Variants in ZNF664 observed in about 807,000 individuals in gnomAD.
The protein encoded by ZNF664 is zinc finger protein 664.
In ZNF664, 10 loss-of-function variants were observed where a neutral mutation model predicts 18.2. The ratio of observed to expected loss-of-function variants is 0.55; its 90% CI spans 0.34 to 0.93. ZNF664 has a LOEUF of 0.93. Ranked by LOEUF, ZNF664 falls within the 40% of genes least tolerant of loss-of-function variation. ZNF664 has a pLI of 0.02. For synonymous variants in ZNF664, 119 were observed against 104.2 expected (o/e 1.14, Z -0.86); for missense variants, 193 against 319.0 (o/e 0.61, Z 3.01).
chr12:123,982,715 AGACGAG>A (rs1266463346), intron 2 of ZNF664, among the ~76,000 whole-genome samples: 1 of 152,244 alleles, frequency 6.6e-6, no homozygotes, highest in Non-Finnish European at 1.5e-5. Flanking sequence ...AAGGGAGTGC[AGACGAG>A]GACACTCAGG....
At chr12:123,980,140 T>C (rs1230737642) in intron 2 of ZNF664, among the ~76,000 whole-genome samples, 1 of 152,202 alleles carries the variant, frequency 6.6e-6, no homozygotes, top group Non-Finnish European at 1.5e-5. Flanking sequence ...TATATATATA[T>C]TCTGAATAAG....
At chr12:123,993,687 T>C (rs1303008586) in intron 3 of ZNF664, among the ~76,000 whole-genome samples, 1 of 152,184 alleles carries the variant, frequency 6.6e-6, no homozygotes. Flanking sequence ...TACGTCCTGA[T>C]ACCTAAACAA....
rs1956614010 is a variant in ZNF664, at chr12:123,973,260, G to A, written c.-984G>A. The A allele has an allele frequency of 1.0e-6, 1 of 999,538 alleles. No individual in the cohort carries two copies. The allele number at this position is 999,538 out of a possible 1,614,324, so 61.9% of individuals were successfully genotyped here. A position where few individuals can be genotyped will look rare whatever the true frequency, so the allele number is the denominator to read the frequency against. ...CTGGGTGTGCGGAGCGCGCGCGCGC[G>A]CGGCTCGGAGGCGCACCTGTGAGGT... is the stretch of plus-strand genomic sequence containing the variant. On this transcript the variant is annotated 5_prime_UTR_variant, in exon 1 of 5. Coordinates refer to ENST00000337815, the MANE Select transcript of ZNF664 (RefSeq NM_152437.3).
At chr12:123,988,414 CAT>C (rs1956849563) in intron 3 of ZNF664, among the ~76,000 whole-genome samples, 1 of 152,112 alleles carries the variant, frequency 6.6e-6, no homozygotes, top group African/African-American at 2.4e-5. Context: ...CCATGTGAAC[CAT>C]TGGTTATTAA....
chr12:123,973,791 G>A (rs751396195), intron 1 of ZNF664, 95 bp from the exon 2 acceptor site: 151 of 1,229,042 alleles, frequency 1.2e-4, no homozygotes, highest in Non-Finnish European at 1.4e-4. Context: ...CCTTCCAGGC[G>A]GGTCCCGGGA....
chr12:124,010,758 T>C (rs1957126534), intron 3 of ZNF664, among the ~76,000 whole-genome samples: 1 of 152,122 alleles, frequency 6.6e-6, no homozygotes, highest in Admixed American at 6.6e-5. Context: ...TAATTACAAG[T>C]CCTGTGGGCT....
intron 2 of ZNF664, among the ~76,000 whole-genome samples, chr12:123,982,807 A>G (rs1223410676): frequency 6.6e-6 from 1 of 152,190 alleles, no homozygotes; most frequent in Non-Finnish European, 1.5e-5. Flanking sequence ...GATGTAATAA[A>G]GGGATCAGGA....
chr12:124,010,794 CAG>C (rs1398823014), intron 3 of ZNF664, among the ~76,000 whole-genome samples: 1 of 152,140 alleles, frequency 6.6e-6, no homozygotes, highest in Admixed American at 6.5e-5. Flanking sequence ...GAGATGAAAA[CAG>C]AGTCTAGCCG....
chr12:124,001,331 A>C (rs2138420239), intron 3 of ZNF664, among the ~76,000 whole-genome samples: 1 of 152,320 alleles, frequency 6.6e-6, no homozygotes, highest in South Asian at 2.1e-4. Flanking sequence ...TTTTCTATTT[A>C]AAATGGAAAT....
At chr12:123,985,925 T>C (rs1381089039) in intron 2 of ZNF664, among the ~76,000 whole-genome samples, 2 of 152,244 alleles carry the variant, frequency 1.3e-5, no homozygotes, top group African/African-American at 4.8e-5. Flanking sequence ...ACATTTAACA[T>C]TTATTAACTT....
chr12:123,992,701 G>A (rs1412767279), intron 3 of ZNF664, among the ~76,000 whole-genome samples: 1 of 152,166 alleles, frequency 6.6e-6, no homozygotes, highest in Non-Finnish European at 1.5e-5. Flanking sequence ...TTCTTTTGAG[G>A]AGCCCACTTT....
Position 124,011,958 on chromosome 12 carries a change from A to C in ZNF664, c.-187A>C. On this transcript the variant is annotated 5_prime_UTR_variant, in exon 5 of 5. Transcript: ENST00000337815. ...TAATACTGAGTGAGGAACACTATGC[A>C]GGAAGAAACCTTCCGTAGAAAGACA... is the stretch of plus-strand genomic sequence containing the variant. 4 of 1,422,562 alleles carry C rather than the reference A, an allele frequency of 2.8e-6. No individual in the cohort carries two copies. The highest frequency in any genetic ancestry group is 3.6e-6 in the Non-Finnish European group (4 of 1,096,994). 88.1% of individuals were successfully genotyped at this position (1,422,562 alleles called of 1,614,324 possible). A position where few individuals can be genotyped will look rare whatever the true frequency, so the allele number is the denominator to read the frequency against.
chr12:123,993,099 G>A (rs1314926851), intron 3 of ZNF664, among the ~76,000 whole-genome samples: 3 of 152,162 alleles, frequency 2.0e-5, no homozygotes, highest in Admixed American at 6.5e-5. Flanking sequence ...GGCCTTAGTG[G>A]CCACTTAAGA....
intron 2 of ZNF664, among the ~76,000 whole-genome samples, chr12:123,986,615 A>G (rs1321197083): frequency 1.3e-5 from 2 of 152,136 alleles, no homozygotes; most frequent in African/African-American, 4.8e-5. Flanking sequence ...AGAGAGAGGG[A>G]ATCTGATTTT....
chr12:123,998,422 A>G (rs1184716906), intron 3 of ZNF664: 1 of 152,120 alleles, frequency 6.6e-6, no homozygotes, highest in Non-Finnish European at 1.5e-5. Context: ...TGCCTTGGTC[A>G]CTCCAGATAA....
Position 124,013,260 on chromosome 12 carries a change from C to T in ZNF664, c.*330C>T. 1 of 325,418 alleles carries T rather than the reference C, an allele frequency of 3.1e-6. No homozygotes were observed. The highest frequency in any genetic ancestry group is 4.2e-5 in the South Asian group (1 of 23,598). 20.2% of individuals were successfully genotyped at this position (325,418 alleles called of 1,614,324 possible). On this transcript the variant is annotated 3_prime_UTR_variant, in exon 5 of 5. Transcript: ENST00000337815. ...CCCGGCCTCCTGAGTCACCTTCTATCTATACTTTGCTTAAAAGCTATCCCA... is the reference window on the plus strand; with the variant it reads ...CCCGGCCTCCTGAGTCACCTTCTATTTATACTTTGCTTAAAAGCTATCCCA...
At chr12:123,993,239 A>C (rs1041010584) in intron 3 of ZNF664, among the ~76,000 whole-genome samples, 7 of 152,204 alleles carry the variant, frequency 4.6e-5, no homozygotes, top group African/African-American at 1.7e-4. Flanking sequence ...CCAAGGGCAC[A>C]TGCAGGCACT....
At chr12:124,000,087 T>G (rs1339754817) in intron 3 of ZNF664, among the ~76,000 whole-genome samples, 1 of 152,216 alleles carries the variant, frequency 6.6e-6, no homozygotes, top group African/African-American at 2.4e-5. Flanking sequence ...AAACTCAGTT[T>G]TGCAGAAACT....
intron 2 of ZNF664, among the ~76,000 whole-genome samples, chr12:123,977,618 G>A (rs539300326): frequency 6.6e-6 from 1 of 152,274 alleles, no homozygotes; most frequent in East Asian, 1.9e-4. Flanking sequence ...TACCTTGAAC[G>A]GAAAGAGAGG....
Sources: gnomAD v4.1 joint callset for allele counts (sites outside exome capture counted in the v4.1 genomes callset) on GRCh38, gnomAD v4.1.1 for gene constraint, MANE v1.5 for transcripts, NCBI Gene and HGNC (gene_info 2026-07-23, HGNC 2026-07-21) for gene names.